The following NBEA variants were observed in gnomAD, a reference collection of about 807,000 sequenced individuals.
The protein encoded by NBEA is neurobeachin, also known as lysosomal-trafficking regulator 2.
In NBEA, 44 loss-of-function variants were observed where a neutral mutation model predicts 343.4. That is an observed-to-expected ratio of 0.13 (90% CI 0.10 to 0.16). NBEA has a LOEUF of 0.16. Among genes scored for constraint, NBEA ranks in the 10% least tolerant of loss-of-function variants. The probability of loss-of-function intolerance (pLI) is 1.00; values close to 1 mark genes in which losing one functional copy is unlikely to be tolerated. For missense variants in NBEA, 2,555 were observed against 3,631.3 expected (o/e 0.70, Z 7.62); for synonymous variants, 1,175 against 1,238.7 (o/e 0.95, Z 1.08).
chr13:34,969,396 T>C (rs974201962), intron 1 of NBEA, among the ~76,000 whole-genome samples: 2 of 151,996 alleles, frequency 1.3e-5, no homozygotes, highest in African/African-American at 4.8e-5. Context: ...ATTTTTTAAC[T>C]TTTATTTTAA....
chr13:35,181,352 A>C (rs941517987), intron 28 of NBEA, among the ~76,000 whole-genome samples: 14 of 151,744 alleles, frequency 9.2e-5, no homozygotes, highest in African/African-American at 3.4e-4. Context: ...TATTATGGCC[A>C]TTCTTGTGAG....
At chr13:35,137,179 G>A (rs2067781803) in intron 17 of NBEA, among the ~76,000 whole-genome samples, 1 of 152,150 alleles carries the variant, frequency 6.6e-6, no homozygotes, top group Non-Finnish European at 1.5e-5. Context: ...GGCCGGGCAC[G>A]GTGGCTCATG....
chr13:35,139,097 G>C (rs1490557397), intron 17 of NBEA, among the ~76,000 whole-genome samples: 1 of 100,382 alleles, frequency 1.0e-5, no homozygotes, highest in Non-Finnish European at 1.8e-5. Context: ...GCCTAACTCT[G>C]TTGCCCAGGC....
At chr13:35,438,640 G>A (rs1209153623) in intron 39 of NBEA, among the ~76,000 whole-genome samples, 3 of 152,086 alleles carry the variant, frequency 2.0e-5, no homozygotes, top group Admixed American at 1.3e-4. Flanking sequence ...AAATGAAATA[G>A]GTAATCTGGT....
intron 36 of NBEA, among the ~76,000 whole-genome samples, chr13:35,340,081 AT>A (rs1403175131): frequency 1.3e-5 from 2 of 152,114 alleles, no homozygotes; most frequent in Non-Finnish European, 2.9e-5. Context: ...ATCCTAAGAA[AT>A]TTAAAAATAG....
chr13:35,420,286 G>A (rs1196719190), intron 38 of NBEA, among the ~76,000 whole-genome samples: 2 of 151,996 alleles, frequency 1.3e-5, no homozygotes, highest in East Asian at 3.9e-4. Context: ...TCGAGTTGAA[G>A]AAATTGCCTT....
chr13:35,033,112 T>C (rs2062300600), intron 1 of NBEA, among the ~76,000 whole-genome samples: 1 of 151,868 alleles, frequency 6.6e-6, no homozygotes, highest in South Asian at 2.1e-4. Context: ...CTTCAATGTG[T>C]TTTTATAGTA....
In NBEA at chr13:35,330,748, G is replaced by A. The variant is rs191288856; in HGVS notation, c.5904-18360G>A. On this transcript the variant is annotated intron_variant, in intron 36 of 58. Transcript: ENST00000379939. ...CATGAATAATTGATAGATTTTATCC[G>A]TGAGGAAAGATTTCTATTTTGAGAG... 5.1e-4 allele frequency among the ~76,000 whole-genome samples: 78 copies of A among 152,062 alleles called. No homozygotes were observed. The East Asian group carries it at 0.01, about 20-fold the overall frequency.
chr13:35,661,143 T>C (rs1235003857), intron 55 of NBEA, among the ~76,000 whole-genome samples: 3 of 152,190 alleles, frequency 2.0e-5, no homozygotes, highest in African/African-American at 7.2e-5. Flanking sequence ...TTGGCCTAGA[T>C]TGGAAGCAAT....
intron 53 of NBEA, among the ~76,000 whole-genome samples, chr13:35,652,718 G>A (rs1191556258): frequency 5.2e-5 from 6 of 115,400 alleles, no homozygotes; most frequent in Non-Finnish European, 7.1e-5. Context: ...TTTTTGAGGC[G>A]GAGTCTCGCT....
chr13:35,581,307 T>C lies in NBEA; in HGVS notation c.7036-2591T>C, dbSNP rs796463849. Among the ~76,000 whole-genome samples the C allele has an allele frequency of 1.9e-4, 29 of 152,052 alleles. No homozygotes were observed. The East Asian group carries it at 4.9e-3, about 25-fold the overall frequency. On this transcript the variant is annotated intron_variant, in intron 45 of 58. Coordinates refer to ENST00000379939, the MANE Select transcript of NBEA (RefSeq NM_001385012.1). ...TGTTGTTTCCTGACTTTTTAATGAT[T>C]GCCATTCTAACTGGTGTGAGATGGT...
intron 34 of NBEA, among the ~76,000 whole-genome samples, chr13:35,241,455 T>A (rs1171242038): frequency 2.0e-5 from 3 of 151,776 alleles, no homozygotes; most frequent in Non-Finnish European, 3.0e-5. Flanking sequence ...AAATATCAAA[T>A]GTTTCAGGAG....
At chr13:35,110,468 GA>G (rs764172990) in intron 12 of NBEA, among the ~76,000 whole-genome samples, 1 of 151,938 alleles carries the variant, frequency 6.6e-6, no homozygotes, top group East Asian at 1.9e-4. Flanking sequence ...TTTTTACATT[GA>G]AAGCTACTGA....
At chr13:35,162,774 G>A (rs2152714104) in intron 23 of NBEA, among the ~76,000 whole-genome samples, 1 of 151,994 alleles carries the variant, frequency 6.6e-6, no homozygotes, top group Middle Eastern at 3.4e-3. Flanking sequence ...CTAGTAACTA[G>A]GGTTAGGCTA....
intron 48 of NBEA, among the ~76,000 whole-genome samples, chr13:35,608,382 AT>A (rs1566401926): frequency 6.6e-6 from 1 of 152,126 alleles, no homozygotes. Flanking sequence ...ACTTCTGAAA[AT>A]TTCTGATTCT....
At chr13:35,228,379 T>A (rs985079432) in intron 33 of NBEA, among the ~76,000 whole-genome samples, 119 of 152,092 alleles carry the variant, frequency 7.8e-4, no homozygotes, top group Non-Finnish European at 1.3e-3. Context: ...ATTCTCTTTT[T>A]TTTTTTTTAT....
At chr13:35,603,468 A>G (rs2082147257) in intron 47 of NBEA, among the ~76,000 whole-genome samples, 1 of 152,202 alleles carries the variant, frequency 6.6e-6, no homozygotes, top group Non-Finnish European at 1.5e-5. Context: ...TTTCAGTGAA[A>G]TTGCATTGTA....
chr13:35,156,297 A>G (rs2069170164), intron 20 of NBEA, 91 bp downstream of exon 20: 2 of 1,281,762 alleles, frequency 1.6e-6, no homozygotes, highest in Non-Finnish European at 2.1e-6. Flanking sequence ...TCTTTTCCAT[A>G]TTGCTAAATA....
intron 31 of NBEA, among the ~76,000 whole-genome samples, chr13:35,207,143 T>C (rs966906294): frequency 1.3e-5 from 2 of 151,868 alleles, no homozygotes; most frequent in African/African-American, 4.8e-5. Flanking sequence ...TAAGTATTTC[T>C]AAAATTAAGA....
Sources: allele counts gnomAD v4.1 joint callset (sites outside exome capture counted in the v4.1 genomes callset), GRCh38; gene constraint gnomAD v4.1.1; transcripts MANE v1.5; gene names NCBI Gene and HGNC (gene_info 2026-07-23, HGNC 2026-07-21).